The following TCF20 variants were observed in gnomAD, a reference collection of about 807,000 sequenced individuals.
The protein encoded by TCF20 is SPRE-binding protein.
Under a neutral mutation model 148.6 loss-of-function variants are expected in TCF20, and 3 were observed. The observed-to-expected ratio is 0.02, with a 90% CI of 0.01 to 0.05. TCF20 has a LOEUF of 0.05. Among genes scored for constraint, TCF20 ranks in the 10% least tolerant of loss-of-function variants. The pLI, the probability that TCF20 is intolerant of heterozygous loss-of-function variation, is 1.00. For synonymous variants in TCF20, 1,049 were observed against 909.5 expected (o/e 1.15, Z -2.76); for missense variants, 2,350 against 2,429.3 (o/e 0.97, Z 0.69).
chr22:42,282,849 A>G (rs1926934482), intron 1 of TCF20, among the ~76,000 whole-genome samples: 1 of 152,006 alleles, frequency 6.6e-6, no homozygotes, highest in South Asian at 2.1e-4. Flanking sequence ...TCACTGTAAA[A>G]TAAATGCAAG....
In TCF20 at chr22:42,270,592, G is replaced by A. The variant is rs1233443660; in HGVS notation, c.-290C>T. ...GGCGGAGGCCGCGGCCGCCTCGCAG[G>A]GGCCGAAAGCGGCTGGGCTCGGGGT... On this transcript the variant is annotated 5_prime_UTR_variant, in exon 1 of 6. Transcript: ENST00000677622. 1.4e-5 allele frequency among the ~76,000 whole-genome samples: 2 copies of A among 146,014 alleles called. No individual in the cohort carries two copies. Among genetic ancestry groups the A allele is most frequent in the African/African-American group, 4.9e-5 (2 of 40,760 alleles).
intron 2 of TCF20, among the ~76,000 whole-genome samples, chr22:42,188,602 G>GATC (rs1569120167): frequency 6.6e-6 from 1 of 152,198 alleles, no homozygotes; most frequent in Non-Finnish European, 1.5e-5. Context: ...ATAAGAACTT[G>GATC]ATCAGGCTGG....
intron 1 of TCF20, among the ~76,000 whole-genome samples, chr22:42,333,305 T>A (rs907149396): frequency 6.6e-6 from 1 of 151,858 alleles, no homozygotes; most frequent in Non-Finnish European, 1.5e-5. Context: ...TAGAGGATGG[T>A]GCACCAGGGC....
chr22:42,325,859 G>A (rs1175867622), intron 1 of TCF20, among the ~76,000 whole-genome samples: 1 of 152,208 alleles, frequency 6.6e-6, no homozygotes, highest in Non-Finnish European at 1.5e-5. Context: ...CATGTCAAAA[G>A]TGGGGGTCAG....
At position 42,214,433 on chromosome 22, in the gene TCF20, G is replaced by A. The variant is rs1160538796; in HGVS notation, c.873C>T (p.Ser291=). Residue 291 remains serine (S), a synonymous_variant, in exon 2 of 6, where the codon AGC becomes AGT. Coordinates refer to ENST00000677622, the MANE Select transcript of TCF20 (RefSeq NM_001378418.1). ...AQAYGTQSNY[S]YQPQSMKNFE... ...AATTCTTCATAGATTGAGGCTGATAGCTGTAATTGGATTGTGTTCCATAAG... is the reference window on the plus strand; with the variant it reads ...AATTCTTCATAGATTGAGGCTGATAACTGTAATTGGATTGTGTTCCATAAG... The A allele has an allele frequency of 6.2e-7, 1 of 1,614,154 alleles. No homozygotes were observed. Among genetic ancestry groups the A allele is most frequent in the Non-Finnish European group, 8.5e-7 (1 of 1,180,030 alleles).
intron 1 of TCF20, among the ~76,000 whole-genome samples, chr22:42,291,874 G>A (rs1257497310): frequency 1.3e-5 from 2 of 151,984 alleles, no homozygotes; most frequent in Non-Finnish European, 2.9e-5. Flanking sequence ...GCTAGCGTGA[G>A]GGGGTGGGGC....
intron 2 of TCF20, among the ~76,000 whole-genome samples, chr22:42,205,686 T>C (rs930157546): frequency 6.6e-6 from 1 of 152,224 alleles, no homozygotes; most frequent in African/African-American, 2.4e-5. Context: ...CTGAGAAAAG[T>C]AGAATAAAAG....
Position 42,317,652 on chromosome 22 carries a change from G to T in TCF20, c.-37+25827C>A, listed in dbSNP as rs188901163. 5.7e-4 allele frequency among the ~76,000 whole-genome samples: 87 copies of T among 152,376 alleles called. No individual in the cohort carries two copies. The highest frequency in any genetic ancestry group is 1.1e-3 in the Non-Finnish European group (74 of 68,032). On this transcript the variant is annotated intron_variant, in intron 1 of 1. Transcript: ENST00000515426. The surrounding 1 kb of genome is among the most constrained non-coding windows in gnomAD (Gnocchi z 4.2). ...CTCCTGCATTCCCGCTGGGGGCTGG[G>T]GGGGAAAGGGGTGTAGACTCAGCCG...
chr22:42,303,529 A>G (rs1311900769), intron 1 of TCF20, among the ~76,000 whole-genome samples: 3 of 152,266 alleles, frequency 2.0e-5, no homozygotes, highest in Non-Finnish European at 4.4e-5. Context: ...CGAGGGCATG[A>G]GTATGCAGAG....
chr22:42,212,201 T>G lies in TCF20; in HGVS notation c.3105A>C (p.Pro1035=). 6.2e-7 allele frequency: 1 copy of G among 1,614,204 alleles called. No individual in the cohort carries two copies. The highest frequency in any genetic ancestry group is 8.5e-7 in the Non-Finnish European group (1 of 1,180,034). ...TAGCCCTCTCTGAAAAGGTCATGTG[T>G]GGATTCATGTGATGAGGGTCTCCCC... The part of the protein sequence containing the change: ...GPGGDPHHMN[P]HMTFSERANR... Residue 1035 remains proline (P), a synonymous_variant, in exon 2 of 6, where the codon CCA becomes CCC. Transcript: ENST00000677622.
At chr22:42,240,008 G>A (rs1924254006) in intron 1 of TCF20, among the ~76,000 whole-genome samples, 1 of 151,446 alleles carries the variant, frequency 6.6e-6, no homozygotes. Context: ...AATAAAATGA[G>A]GTATCCCTGT....
chr22:42,189,567 CTGAT>C (rs1490113254), intron 2 of TCF20, among the ~76,000 whole-genome samples: 13 of 152,308 alleles, frequency 8.5e-5, no homozygotes, highest in Admixed American at 2.0e-4. Flanking sequence ...TTTGAGTAAA[CTGAT>C]TGTTTTCCGT....
chr22:42,303,808 T>G (rs1601699852), intron 1 of TCF20, among the ~76,000 whole-genome samples: 4 of 114,976 alleles, frequency 3.5e-5, no homozygotes, highest in Non-Finnish European at 5.3e-5. Context: ...AGCATAGAGG[T>G]GAGAGGAGGA....
chr22:42,177,351 G>C (rs1228569567), intron 3 of TCF20, among the ~76,000 whole-genome samples: 1 of 152,196 alleles, frequency 6.6e-6, no homozygotes, highest in Non-Finnish European at 1.5e-5. Flanking sequence ...GGAGGCAGAG[G>C]TTGCAGTGGG....
In TCF20 at chr22:42,292,891, C is replaced by T. The variant is rs548507354; in HGVS notation, c.-37+50588G>A. Among the ~76,000 whole-genome samples, 3 of 150,632 alleles carry T rather than the reference C, an allele frequency of 2.0e-5. No homozygotes were observed. Among genetic ancestry groups the T allele is most frequent in the East Asian group, 2.0e-4 (1 of 5,126 alleles). On this transcript the variant is annotated intron_variant, in intron 1 of 1. Transcript: ENST00000515426. The surrounding 1 kb of genome is among the most constrained non-coding windows in gnomAD (Gnocchi z 4.9). ...GGTGTGACCCTTCCACTGTCCCCAG[C>T]GCTGGATACTAGATCCCACATCCCC... is the stretch of plus-strand genomic sequence containing the variant.
At position 42,240,935 on chromosome 22, in the gene TCF20, G is replaced by C. The variant is rs536761407; in HGVS notation, c.-36-25594C>G. On this transcript the variant is annotated intron_variant, in intron 1 of 5. Coordinates refer to ENST00000677622, the MANE Select transcript of TCF20 (RefSeq NM_001378418.1). Reference sequence around the variant, plus strand: ...CAGTGGCGCCATCTCAGTTCACTGCGACCTCCGCCTCCCGGGTTCATACGA... The same window carrying C: ...CAGTGGCGCCATCTCAGTTCACTGCCACCTCCGCCTCCCGGGTTCATACGA... Among the ~76,000 whole-genome samples, 3 of 151,650 alleles carry C rather than the reference G, an allele frequency of 2.0e-5. No homozygotes were observed. In the South Asian group the frequency reaches 6.2e-4, roughly 32 times the overall value.
intron 1 of TCF20, among the ~76,000 whole-genome samples, chr22:42,227,550 T>C (rs1923026032): frequency 6.6e-6 from 1 of 152,106 alleles, no homozygotes. Flanking sequence ...GATACTACAC[T>C]CTCAATCCAA....
At chr22:42,335,421 G>A (rs926757437) in intron 1 of TCF20, among the ~76,000 whole-genome samples, 3 of 152,158 alleles carry the variant, frequency 2.0e-5, no homozygotes, top group African/African-American at 7.2e-5. Flanking sequence ...TCCACTGTGA[G>A]CTCCTCGAGG....
At chr22:42,165,162 C>T (rs1935705564) in intron 5 of TCF20, among the ~76,000 whole-genome samples, 1 of 152,188 alleles carries the variant, frequency 6.6e-6, no homozygotes, top group Admixed American at 6.5e-5. Context: ...GAGGTGTAAC[C>T]CTGGACTGCC....
Sources: gnomAD v4.1 joint callset for allele counts (sites outside exome capture counted in the v4.1 genomes callset) on GRCh38, gnomAD v4.1.1 for gene constraint, Gnocchi (gnomAD v3.1) non-coding constraint, MANE v1.5 for transcripts, NCBI Gene and HGNC (gene_info 2026-07-23, HGNC 2026-07-21) for gene names.